Variants in SMURF1 observed in about 807,000 individuals in gnomAD.
The protein encoded by SMURF1 is E3 ubiquitin-protein ligase SMURF1.
Under a neutral mutation model 98.0 loss-of-function variants are expected in SMURF1, and 44 were observed. The observed-to-expected ratio is 0.45, with a 90% confidence interval of 0.35 to 0.58. The LOEUF is 0.58. Among genes scored for constraint, SMURF1 ranks in the 20% least tolerant of loss-of-function variants. The pLI, the probability that SMURF1 is intolerant of heterozygous loss-of-function variation, is 0.00. For synonymous variants in SMURF1, 396 were observed against 374.9 expected, an observed-to-expected ratio of 1.06 and a Z score of -0.65; for missense variants, 687 against 938.4, an observed-to-expected ratio of 0.73 and a Z score of 3.50.
chr7:99,042,136 C>T lies in SMURF1; in HGVS notation c.1353G>A (p.Pro451=), dbSNP rs149320056. 4.4e-4 allele frequency: 707 copies of T among 1,613,418 alleles called. 1 individual carries two copies. The highest frequency in any genetic ancestry group is 3.6e-3 in the Middle Eastern group (22 of 6,060). The part of the protein sequence containing the change: ...TDNIYMLQIN[P]DSSINPDHLS... Reference sequence around the variant, plus strand: ...TACTTACGGGGTTGATTGAAGAATCCGGATTTATTTGCAACATGTAAATAT... The same window carrying T: ...TACTTACGGGGTTGATTGAAGAATCTGGATTTATTTGCAACATGTAAATAT... The change falls in exon 12 of 18, where the codon CCG becomes CCA. Residue 451 remains proline (P), a synonymous_variant. Coordinates refer to ENST00000361368, the MANE Select transcript of SMURF1 (RefSeq NM_181349.3).
At chr7:99,041,886 G>C (rs1340459270) in intron 12 of SMURF1, among the ~76,000 whole-genome samples, 1 of 152,182 alleles carries the variant, frequency 6.6e-6, no homozygotes, top group Non-Finnish European at 1.5e-5. Flanking sequence ...GAACAGCTCA[G>C]TTTCACCCTT....
chr7:99,108,611 CAAAAAAAAAAA>C (rs11458541), intron 1 of SMURF1, among the ~76,000 whole-genome samples: 9 of 58,560 alleles, frequency 1.5e-4, no homozygotes, highest in African/African-American at 1.9e-4. Flanking sequence ...AACTCTGTCT[CAAAAAAAAAAA>C]AAAAAAAAAA....
Position 99,047,902 on chromosome 7 carries a change from GA to G in SMURF1, c.954-21del, listed in dbSNP as rs1474851972. On this transcript the variant is annotated intron_variant, in intron 9 of 17. Coordinates refer to ENST00000361368, the MANE Select transcript of SMURF1 (RefSeq NM_181349.3). ...TGGTGACTTGAGAAGAAGAGATGCA[GA>G]AAGTCACTCCGAAGCCCCGGCCAGG... is the stretch of plus-strand genomic sequence containing the variant. 5.0e-6 allele frequency: 8 copies of G among 1,610,902 alleles called. No individual in the cohort carries two copies. In the African/African-American group the frequency reaches 8.0e-5, roughly 16 times the overall value.
At chr7:99,083,357 C>T (rs1241707175) in intron 1 of SMURF1, among the ~76,000 whole-genome samples, 2 of 152,174 alleles carry the variant, frequency 1.3e-5, no homozygotes, top group East Asian at 1.9e-4. Flanking sequence ...CAAAAAGACA[C>T]TGTTTAGATA....
At chr7:99,066,731 A>T (rs1237300977) in intron 1 of SMURF1, among the ~76,000 whole-genome samples, 1 of 151,246 alleles carries the variant, frequency 6.6e-6, no homozygotes, top group African/African-American at 2.4e-5. Context: ...GTGAGCTATG[A>T]CCACACCACT....
At position 99,071,216 on chromosome 7, in the gene SMURF1, T is replaced by C. The variant is rs76491635; in HGVS notation, c.56-9379A>G. On this transcript the variant is annotated intron_variant, in intron 1 of 17. Transcript: ENST00000361368. ...CTGGGATTACAGGCATGTGCCACCATGCCCGGCTAATTTTTGTATTTTTAG... is the reference window on the plus strand; with the variant it reads ...CTGGGATTACAGGCATGTGCCACCACGCCCGGCTAATTTTTGTATTTTTAG... 3.0e-4 allele frequency among the ~76,000 whole-genome samples: 46 copies of C among 152,178 alleles called. No individual in the cohort carries two copies. In the East Asian group the frequency reaches 6.4e-3, roughly 21 times the overall value.
chr7:99,129,658 T>C (rs6977564), intron 1 of SMURF1, among the ~76,000 whole-genome samples: 2,645 of 152,276 alleles, frequency 0.017, 81 homozygotes, highest in African/African-American at 0.061. Flanking sequence ...TCCCCAAATA[T>C]TGGGATTACG....
intron 1 of SMURF1, among the ~76,000 whole-genome samples, chr7:99,065,764 G>A (rs1031143351): frequency 1.3e-5 from 2 of 152,068 alleles, no homozygotes; most frequent in African/African-American, 2.4e-5. Flanking sequence ...AGGCACAAGC[G>A]AGGCTGGGCG....
chr7:99,051,288 G>A (rs56321110), intron 8 of SMURF1, 69 bp downstream of exon 8: 1 of 1,187,340 alleles, frequency 8.4e-7, no homozygotes. Context: ...CAACACATCT[G>A]GAAGGTATTG....
chr7:99,110,895 G>A (rs1395457366), intron 1 of SMURF1, among the ~76,000 whole-genome samples: 1 of 152,176 alleles, frequency 6.6e-6, no homozygotes, highest in Non-Finnish European at 1.5e-5. Context: ...GCGGTCCCCA[G>A]GAAAATAGTA....
intron 1 of SMURF1, among the ~76,000 whole-genome samples, chr7:99,086,238 C>T (rs774202083): frequency 6.6e-6 from 1 of 151,808 alleles, no homozygotes; most frequent in Non-Finnish European, 1.5e-5. Flanking sequence ...CCCAGCTATT[C>T]GGGAGGCTGA....
intron 3 of SMURF1, among the ~76,000 whole-genome samples, chr7:99,058,098 A>G (rs550407502): frequency 6.6e-6 from 1 of 152,260 alleles, no homozygotes; most frequent in Non-Finnish European, 1.5e-5. Context: ...TAATAATCTT[A>G]TAACAGACTT....
intron 1 of SMURF1, among the ~76,000 whole-genome samples, chr7:99,137,649 A>G (rs756547523): frequency 6.6e-5 from 10 of 152,244 alleles, no homozygotes; most frequent in Non-Finnish European, 1.0e-4. Context: ...GCTCAGTGAT[A>G]AACGATGTTG....
At chr7:99,140,281 C>CTTTTTTTTTTTTTTTTTTTTTT (rs11421940) in intron 1 of SMURF1, among the ~76,000 whole-genome samples, 1 of 85,796 alleles carries the variant, frequency 1.2e-5, no homozygotes, top group Non-Finnish European at 2.1e-5. Flanking sequence ...CTTCAGTATC[C>CTTTTTTTTTTTTTTTTTTTTTT]TTTTTTTTTT....
At chr7:99,086,161 CA>C (rs199506630) in intron 1 of SMURF1, among the ~76,000 whole-genome samples, 2,049 of 152,112 alleles carry the variant, frequency 0.013, 44 homozygotes, top group African/African-American at 0.047. Flanking sequence ...GCCTGGCCAA[CA>C]TGGTGAAACT....
At chr7:99,138,459 A>C (rs2150654339) in intron 1 of SMURF1, among the ~76,000 whole-genome samples, 1 of 152,348 alleles carries the variant, frequency 6.6e-6, no homozygotes, top group African/African-American at 2.4e-5. Context: ...CAGCCTCCAA[A>C]ACCTTTCTTT....
At chr7:99,041,619 G>T (rs1213178567) in intron 12 of SMURF1, among the ~76,000 whole-genome samples, 5 of 152,220 alleles carry the variant, frequency 3.3e-5, no homozygotes, top group Non-Finnish European at 5.9e-5. Flanking sequence ...GAAGGCCGTG[G>T]TGCCACAGGA....
At chr7:99,030,776 A>T in intron 17 of SMURF1, 93 bp from the exon 18 acceptor site, 109 of 658,316 alleles carry the variant, frequency 1.7e-4, no homozygotes, top group Middle Eastern at 2.8e-4. Flanking sequence ...TATATGTGGG[A>T]GGGGAGAGGA....
chr7:99,049,297 C>T (rs535921868), intron 9 of SMURF1: 4 of 400,564 alleles, frequency 1.0e-5, no homozygotes, highest in South Asian at 2.7e-5. Flanking sequence ...AAACTTCCTT[C>T]GTGCAGCCGC....
Sources: allele counts gnomAD v4.1 joint callset (sites outside exome capture counted in the v4.1 genomes callset), GRCh38; gene constraint gnomAD v4.1.1; transcripts MANE v1.5; gene names NCBI Gene and HGNC (gene_info 2026-07-23, HGNC 2026-07-21).